Variants in RMDN2 observed in about 807,000 individuals in gnomAD.
RMDN2 encodes the protein regulator of microtubule dynamics 2, also known as regulator of microtubule dynamics protein 2.
In RMDN2, 61 loss-of-function variants were observed where a neutral mutation model predicts 52.8. The observed-to-expected ratio is 1.16, with a 90% CI of 0.94 to 1.43. RMDN2 has a LOEUF of 1.43. Ranked by LOEUF, RMDN2 falls within the 40% of genes most tolerant of loss-of-function variation. The pLI, the probability that RMDN2 is intolerant of heterozygous loss-of-function variation, is 0.00. For missense variants in RMDN2, 592 were observed against 475.3 expected, an observed-to-expected ratio of 1.25 and a Z score of -2.28; for synonymous variants, 180 against 153.1, an observed-to-expected ratio of 1.18 and a Z score of -1.30.
intron 4 of RMDN2, among the ~76,000 whole-genome samples, chr2:37,978,403 A>G (rs190126452): frequency 7.0e-4 from 107 of 152,240 alleles, no homozygotes; most frequent in African/African-American, 2.6e-3. Flanking sequence ...TTATGTACTA[A>G]GGTAGGAATA....
At position 37,929,408 on chromosome 2, in the gene RMDN2, C is replaced by G. The variant is rs1288356349; in HGVS notation, c.131C>G (p.Ser44Cys). 1 of 1,551,474 alleles carries G rather than the reference C, an allele frequency of 6.4e-7. No homozygotes were observed. Among genetic ancestry groups the G allele is most frequent in the East Asian group, 2.4e-5 (1 of 40,908 alleles). ...GCAATGAAGTTACCTGAATTTCTTT[C>G]TCTGGGTAATACATTTAATTCAATA... The part of the protein sequence containing the change: ...GIAMKLPEFL[S>C]LGNTFNSITL... Residue 44 changes from serine to cysteine, a missense_variant, in exon 2 of 11, where the codon TCT becomes TGT. Transcript: ENST00000354545.
At chr2:38,051,806 T>A (rs1320574317) in intron 10 of RMDN2, among the ~76,000 whole-genome samples, 1 of 152,212 alleles carries the variant, frequency 6.6e-6, no homozygotes, top group Non-Finnish European at 1.5e-5. Context: ...CTGATTTCAC[T>A]CAACATAATG....
chr2:37,997,541 G>C (rs772566185), intron 8 of RMDN2, 27 bp downstream of exon 8: 2 of 1,389,140 alleles, frequency 1.4e-6, no homozygotes, highest in South Asian at 2.3e-5. Context: ...CATTATTTTA[G>C]TGTCAGACTG....
At position 38,060,240 on chromosome 2, in the gene RMDN2, C is replaced by T. The variant is rs528738259; in HGVS notation, c.1714-6742C>T. 2.0e-5 allele frequency among the ~76,000 whole-genome samples: 3 copies of T among 152,120 alleles called. No individual in the cohort carries two copies. In the East Asian group the frequency reaches 5.8e-4, roughly 29 times the overall value. The stretch of plus-strand genomic sequence containing the variant: ...GATTACAGGCATGAGCCACCACACC[C>T]GACCATTTTGTTTTTTATTAACAAG... On this transcript the variant is annotated intron_variant, in intron 10 of 10. Transcript: ENST00000234195.
intron 10 of RMDN2, among the ~76,000 whole-genome samples, chr2:38,037,147 C>T (rs1680639913): frequency 6.6e-6 from 1 of 152,174 alleles, no homozygotes; most frequent in Non-Finnish European, 1.5e-5. Context: ...GGTAAGTGAC[C>T]TAAGCTCTCT....
intron 10 of RMDN2, among the ~76,000 whole-genome samples, chr2:38,064,346 C>A (rs1682180875): frequency 6.6e-6 from 1 of 151,926 alleles, no homozygotes; most frequent in Non-Finnish European, 1.5e-5. Context: ...AAAAATTAGC[C>A]AGACATGGTG....
At chr2:37,962,864 T>A (rs900153134) in intron 2 of RMDN2, among the ~76,000 whole-genome samples, 4 of 152,180 alleles carry the variant, frequency 2.6e-5, no homozygotes, top group African/African-American at 9.7e-5. Flanking sequence ...GTCTGCGGGT[T>A]GCAAAAAACA....
At chr2:37,937,489 G>T (rs1242205768) in intron 2 of RMDN2, among the ~76,000 whole-genome samples, 1 of 152,198 alleles carries the variant, frequency 6.6e-6, no homozygotes, top group East Asian at 1.9e-4. Flanking sequence ...ACTTTGAGGA[G>T]TGTGGCCATT....
At chr2:38,026,286 A>T (rs1679776944) in intron 10 of RMDN2, among the ~76,000 whole-genome samples, 1 of 152,074 alleles carries the variant, frequency 6.6e-6, no homozygotes, top group East Asian at 1.9e-4. Flanking sequence ...TTATCTATAA[A>T]ATCTGTAGTG....
chr2:37,960,128 G>C (rs1176678329), intron 2 of RMDN2, among the ~76,000 whole-genome samples: 1 of 152,128 alleles, frequency 6.6e-6, no homozygotes, highest in African/African-American at 2.4e-5. Flanking sequence ...GTTGATTTGG[G>C]GTGGAGAGTT....
intron 10 of RMDN2, among the ~76,000 whole-genome samples, chr2:38,032,027 C>A (rs1225191068): frequency 6.6e-6 from 1 of 152,198 alleles, no homozygotes; most frequent in Non-Finnish European, 1.5e-5. Flanking sequence ...CTCTCTCTCT[C>A]ACTGGTTTAC....
chr2:37,926,449 CATTA>C (rs1052480381), intron 1 of RMDN2, among the ~76,000 whole-genome samples: 92 of 152,266 alleles, frequency 6.0e-4, no homozygotes, highest in Admixed American at 1.5e-3. Flanking sequence ...CAATAATACA[CATTA>C]ATTAAGTGCC....
At chr2:38,024,245 A>T (rs997238236) in intron 10 of RMDN2, among the ~76,000 whole-genome samples, 2 of 152,222 alleles carry the variant, frequency 1.3e-5, no homozygotes, top group Non-Finnish European at 2.9e-5. Context: ...ATCATCTATG[A>T]AAATTCATAT....
intron 10 of RMDN2, among the ~76,000 whole-genome samples, chr2:38,032,375 C>A (rs1397750518): frequency 6.6e-6 from 1 of 152,160 alleles, no homozygotes; most frequent in African/African-American, 2.4e-5. Context: ...AGTCTGTCTC[C>A]ATTTGCTGAA....
At chr2:37,978,641 C>T (rs1224909936) in intron 4 of RMDN2, among the ~76,000 whole-genome samples, 1 of 152,146 alleles carries the variant, frequency 6.6e-6, no homozygotes, top group Non-Finnish European at 1.5e-5. Context: ...GCCTGGGCAA[C>T]ATAGGGAGAC....
intron 10 of RMDN2, among the ~76,000 whole-genome samples, chr2:38,023,640 GA>G (rs1249528142): frequency 2.0e-5 from 3 of 152,098 alleles, no homozygotes; most frequent in African/African-American, 7.2e-5. Flanking sequence ...AAATTAACAA[GA>G]ATAGTTGATT....
chr2:37,940,119 T>C (rs1667655754), intron 2 of RMDN2, among the ~76,000 whole-genome samples: 4 of 152,194 alleles, frequency 2.6e-5, no homozygotes, highest in Admixed American at 2.6e-4. Context: ...TGTAAAGGGT[T>C]TTATTTCTTC....
At chr2:37,930,924 G>A (rs946813292) in intron 2 of RMDN2, among the ~76,000 whole-genome samples, 1 of 152,216 alleles carries the variant, frequency 6.6e-6, no homozygotes, top group African/African-American at 2.4e-5. Context: ...GGCAGCGCAT[G>A]GGTCTGTCTC....
chr2:37,959,589 CA>C lies in RMDN2; in HGVS notation c.453-14445del, dbSNP rs1219551295. On this transcript the variant is annotated intron_variant, in intron 2 of 10. Coordinates refer to ENST00000354545, the MANE Select transcript of RMDN2 (RefSeq NM_001170791.3). ...TAGCGATCTATTTTGTTGATCTTTTCAAAAAACCAGCTCCTGGATTCATTGA... is the reference window on the plus strand; with the variant it reads ...TAGCGATCTATTTTGTTGATCTTTTCAAAAACCAGCTCCTGGATTCATTGA... Among the ~76,000 whole-genome samples the C allele has an allele frequency of 5.3e-5, 8 of 150,566 alleles. 1 individual carries two copies. In the East Asian group the frequency reaches 5.8e-4, roughly 11 times the overall value.
Sources: gnomAD v4.1 joint callset for allele counts (sites outside exome capture counted in the v4.1 genomes callset) on GRCh38, gnomAD v4.1.1 for gene constraint, MANE v1.5 for transcripts, NCBI Gene and HGNC (gene_info 2026-07-23, HGNC 2026-07-21) for gene names.